CSMD1: variants seen among roughly 807,000 people sequenced by gnomAD.
The protein encoded by CSMD1 is CUB and sushi domain-containing protein 1.
In CSMD1, 213 loss-of-function variants were observed where a neutral mutation model predicts 417.5. That is an observed-to-expected ratio of 0.51 (90% confidence interval 0.46 to 0.57). The LOEUF (loss-of-function observed/expected upper bound fraction) is 0.57, where lower values mean the gene tolerates loss of function less well. Among genes scored for constraint, CSMD1 ranks in the 20% least tolerant of loss-of-function variants. The pLI, the probability that CSMD1 is intolerant of heterozygous loss-of-function variation, is 0.00. For missense variants in CSMD1, 6,923 were observed against 4,529.7 expected (o/e 1.53, Z -15.17); for synonymous variants, 2,862 against 1,736.8 (o/e 1.65, Z -16.11).
rs2116904004 is a variant in CSMD1, at chr8:4,868,713, T to A, written c.85+125619A>T. On this transcript the variant is annotated intron_variant, in intron 1 of 69. Transcript: ENST00000635120. ...TGGTGTCTTGGTCGAAAGTATTTGATGCGGTACCAGTTAGAACTAGATTTG... is the reference window on the plus strand; with the variant it reads ...TGGTGTCTTGGTCGAAAGTATTTGAAGCGGTACCAGTTAGAACTAGATTTG... 2.0e-5 allele frequency among the ~76,000 whole-genome samples: 3 copies of A among 152,072 alleles called. No individual in the cohort carries two copies. The South Asian group carries it at 6.2e-4, about 32-fold the overall frequency.
chr8:4,979,911 G>A (rs553769965), intron 1 of CSMD1, among the ~76,000 whole-genome samples: 24 of 152,152 alleles, frequency 1.6e-4, no homozygotes, highest in South Asian at 6.2e-4. Context: ...GAAGGTGGGC[G>A]CCAGTACTCC....
intron 4 of CSMD1, among the ~76,000 whole-genome samples, chr8:4,027,126 A>C (rs374424416): frequency 6.6e-6 from 1 of 152,098 alleles, no homozygotes; most frequent in African/African-American, 2.4e-5. Context: ...AAAGCTTTAC[A>C]CTCATGTTGG....
intron 25 of CSMD1, among the ~76,000 whole-genome samples, chr8:3,304,186 TTTATA>T (rs1395445641): frequency 1.3e-5 from 2 of 152,160 alleles, no homozygotes; most frequent in African/African-American, 4.8e-5. Flanking sequence ...AATGATTACA[TTTATA>T]TTAAGATATT....
chr8:4,540,422 G>C (rs1468033287), intron 2 of CSMD1, among the ~76,000 whole-genome samples: 1 of 152,072 alleles, frequency 6.6e-6, no homozygotes, highest in Admixed American at 6.6e-5. Flanking sequence ...AAAACCTCAG[G>C]CCGGGTGCAG....
chr8:4,026,139 C>G (rs958397934), intron 4 of CSMD1, among the ~76,000 whole-genome samples: 1 of 152,088 alleles, frequency 6.6e-6, no homozygotes, highest in Non-Finnish European at 1.5e-5. Flanking sequence ...AAATTTACAT[C>G]TCTCATAAAT....
At chr8:3,222,569 G>C (rs1032695137) in intron 28 of CSMD1, among the ~76,000 whole-genome samples, 1 of 152,122 alleles carries the variant, frequency 6.6e-6, no homozygotes, top group Non-Finnish European at 1.5e-5. Context: ...TTGGCCTCCT[G>C]AAATGCTGGG....
At chr8:4,470,364 T>C (rs1800455073) in intron 2 of CSMD1, among the ~76,000 whole-genome samples, 1 of 152,206 alleles carries the variant, frequency 6.6e-6, no homozygotes, top group African/African-American at 2.4e-5. Flanking sequence ...CTCCCAATGC[T>C]TCCTCTCTCT....
intron 1 of CSMD1, among the ~76,000 whole-genome samples, chr8:4,983,431 C>G (rs1811004711): frequency 6.6e-6 from 1 of 152,222 alleles, no homozygotes; most frequent in Non-Finnish European, 1.5e-5. Flanking sequence ...TGCTTGGATA[C>G]TTGCAAGAGT....
rs555562616 is a variant in CSMD1, at chr8:4,654,502, G to C, written c.86-16944C>G. On this transcript the variant is annotated intron_variant, in intron 1 of 69. Coordinates refer to ENST00000635120, the MANE Select transcript of CSMD1 (RefSeq NM_033225.6). ...CTCCACCCTGGAAACGAAGTACCAG[G>C]CAATGCATATACTTCTTACGTTTGC... 5.0e-4 allele frequency among the ~76,000 whole-genome samples: 76 copies of C among 152,184 alleles called. 2 individuals carry two copies. In the South Asian group the frequency reaches 0.016, roughly 32 times the overall value.
At chr8:4,802,201 T>C (rs1585123293) in intron 1 of CSMD1, among the ~76,000 whole-genome samples, 2 of 152,328 alleles carry the variant, frequency 1.3e-5, no homozygotes, top group Non-Finnish European at 1.5e-5. Flanking sequence ...AGGATGCTCA[T>C]TTTGCATCAA....
rs183962657 is a variant in CSMD1 at position 4,282,011 on chromosome 8, T to C, written c.415+137942A>G. Among the ~76,000 whole-genome samples the C allele has an allele frequency of 5.6e-4, 85 of 152,346 alleles. 1 individual carries two copies. The highest frequency in any genetic ancestry group is 2.0e-3 in the African/African-American group (84 of 41,592). ...ACTATAGCAAGGTGAATTCATGTTC[T>C]CTTGAGATGTGATTAGCCTTTGTTA... On this transcript the variant is annotated intron_variant, in intron 3 of 69. Coordinates refer to ENST00000635120, the MANE Select transcript of CSMD1 (RefSeq NM_033225.6).
intron 3 of CSMD1, among the ~76,000 whole-genome samples, chr8:4,180,793 C>G (rs1470293274): frequency 6.6e-6 from 1 of 152,026 alleles, no homozygotes; most frequent in African/African-American, 2.4e-5. Context: ...ATCTGTATGT[C>G]TTTGGTACAA....
intron 1 of CSMD1, among the ~76,000 whole-genome samples, chr8:4,831,588 G>C (rs1458876869): frequency 2.0e-5 from 3 of 152,038 alleles, no homozygotes; most frequent in Non-Finnish European, 4.4e-5. Flanking sequence ...GTCATGCCAA[G>C]GTTTGTTGAC....
At chr8:3,802,152 T>G (rs1800490765) in intron 5 of CSMD1, among the ~76,000 whole-genome samples, 1 of 152,084 alleles carries the variant, frequency 6.6e-6, no homozygotes, top group Non-Finnish European at 1.5e-5. Context: ...ACTGCAGCAT[T>G]CAAAAAATAA....
intron 3 of CSMD1, among the ~76,000 whole-genome samples, chr8:4,066,997 G>A (rs1799286328): frequency 6.6e-6 from 1 of 152,240 alleles, no homozygotes; most frequent in African/African-American, 2.4e-5. Context: ...CTCCACAACT[G>A]AGAAACAAGA....
intron 1 of CSMD1, among the ~76,000 whole-genome samples, chr8:4,937,888 C>T (rs1014542665): frequency 1.3e-5 from 2 of 152,036 alleles, no homozygotes; most frequent in Non-Finnish European, 2.9e-5. Flanking sequence ...CAATTTTCAC[C>T]TTGCTTGTTT....
intron 5 of CSMD1, among the ~76,000 whole-genome samples, chr8:3,973,695 A>G (rs6558830): frequency 2.6e-5 from 4 of 151,984 alleles, no homozygotes; most frequent in African/African-American, 9.7e-5. Flanking sequence ...AGAGGTGTGA[A>G]TGCAAGACCT....
chr8:4,245,207 C>A (rs60593083), intron 3 of CSMD1, among the ~76,000 whole-genome samples: 16,982 of 152,166 alleles, frequency 0.11, 1,458 homozygotes, highest in East Asian at 0.37. Context: ...AAGTAACTTA[C>A]CACTGGTTTT....
Position 3,753,985 on chromosome 8 carries a change from G to C in CSMD1, c.876C>G (p.Leu292=), listed in dbSNP as rs541169305. The C allele has an allele frequency of 6.2e-6, 10 of 1,613,356 alleles. No individual in the cohort carries two copies. The highest frequency in any genetic ancestry group is 5.3e-5 in the African/African-American group (4 of 74,964). ...PVISSKNWLR[L]HFTSDSNHRR... ...GGTGGTTGCTGTCAGAGGTGAAATG[G>C]AGTCGTAGCCAATTCTTGCTACTGA... Residue 292 remains leucine (L), a synonymous_variant, in exon 6 of 70, where the codon CTC becomes CTG. Transcript: ENST00000635120.
Sources: allele counts gnomAD v4.1 joint callset (sites outside exome capture counted in the v4.1 genomes callset), GRCh38; gene constraint gnomAD v4.1.1; transcripts MANE v1.5; gene names NCBI Gene and HGNC (gene_info 2026-07-23, HGNC 2026-07-21).